RPAP1: variants seen among roughly 807,000 people sequenced by gnomAD.
RPAP1 encodes the protein RNA polymerase II-associated protein 1.
Under a neutral mutation model 142.4 loss-of-function variants are expected in RPAP1, and 109 were observed. That is an observed-to-expected ratio of 0.77 (90% CI 0.66 to 0.90). The LOEUF is 0.90. Ranked by LOEUF, RPAP1 falls within the 40% of genes least tolerant of loss-of-function variation. The pLI is 0.00. For synonymous variants in RPAP1, 704 were observed against 738.9 expected (o/e 0.95, Z 0.77); for missense variants, 1,546 against 1,751.7 (o/e 0.88, Z 2.10).
intron 5 of RPAP1, 110 bp downstream of exon 5, chr15:41,535,402 A>G (rs918628315): frequency 2.1e-6 from 3 of 1,436,564 alleles, no homozygotes; most frequent in Non-Finnish European, 2.8e-6. Flanking sequence ...ACTACTTGAG[A>G]TGGCTCAAAT....
At position 41,522,939 on chromosome 15, in the gene RPAP1, G is replaced by A; in HGVS notation, c.2568C>T (p.Asn856=). The part of the protein sequence containing the change: ...DSLRHCSLLC[N]PLSCVPALEA... ...CAAGGGCTGGCACACAGGACAGCGG[G>A]TTGCAGAGAAGGGAGCAGTGCCTGT... The change falls in exon 19 of 25, where the codon AAC becomes AAT. Residue 856 remains asparagine (N), a synonymous_variant. Transcript: ENST00000304330. The A allele has an allele frequency of 6.4e-7, 1 of 1,551,510 alleles. No individual in the cohort carries two copies. Among genetic ancestry groups the A allele is most frequent in the South Asian group, 1.3e-5 (1 of 79,730 alleles).
chr15:41,541,234 A>T (rs2051969233), intron 1 of RPAP1, among the ~76,000 whole-genome samples: 1 of 152,078 alleles, frequency 6.6e-6, no homozygotes, highest in Non-Finnish European at 1.5e-5. Context: ...CAGCTTGGCC[A>T]ACATGGTGAA....
Position 41,518,678 on chromosome 15 carries a change from C to CAA in RPAP1, c.3796-498_3796-497dup, listed in dbSNP as rs112073549. On this transcript the variant is annotated intron_variant, in intron 22 of 24. Transcript: ENST00000304330. Reference sequence around the variant, plus strand: ...TGGGCAACAGAGCAAGACTCCGTCTCAAAAAAAAAAAAAAATTAGCCAGGC... The same window carrying CAA: ...TGGGCAACAGAGCAAGACTCCGTCTCAAAAAAAAAAAAAAAAATTAGCCAGGC... Among the ~76,000 whole-genome samples the CAA allele has an allele frequency of 6.6e-3, 904 of 136,394 alleles. 7 individuals carry two copies. Among genetic ancestry groups the CAA allele is most frequent in the African/African-American group, 9.7e-3 (358 of 36,748 alleles). The allele number at this position is 136,394 out of a possible 152,430, so 89.5% of individuals were successfully genotyped here. A position where few individuals can be genotyped will look rare whatever the true frequency, so the allele number is the denominator to read the frequency against.
At chr15:41,528,201 A>G in intron 10 of RPAP1, 34 bp downstream of exon 10, 1 of 1,560,536 alleles carries the variant, frequency 6.4e-7, no homozygotes, top group Non-Finnish European at 8.7e-7. Flanking sequence ...GGTGAAGGGA[A>G]GGGTGGGCAG....
At chr15:41,522,612 A>G (rs972317097) in intron 19 of RPAP1, 153 bp downstream of exon 19, 3 of 642,894 alleles carry the variant, frequency 4.7e-6, no homozygotes, top group Non-Finnish European at 5.1e-6. Context: ...CTGGTCTCGA[A>G]CTCCCGACCT....
intron 22 of RPAP1, 165 bp from the exon 23 acceptor site, chr15:41,518,347 CAG>C: frequency 3.5e-6 from 2 of 575,396 alleles, no homozygotes; most frequent in South Asian, 3.6e-5. Context: ...GACTACAGAG[CAG>C]ATGTTGGGGA....
At chr15:41,539,411 C>T (rs1394134353) in intron 1 of RPAP1, among the ~76,000 whole-genome samples, 1 of 152,162 alleles carries the variant, frequency 6.6e-6, no homozygotes, top group Admixed American at 6.5e-5. Context: ...TCTCCTGCCT[C>T]AGCCTCCTGA....
Position 41,522,206 on chromosome 15 carries a change from G to A in RPAP1, c.2787C>T (p.Leu929=), listed in dbSNP as rs775015116. 1.9e-6 allele frequency: 3 copies of A among 1,613,974 alleles called. No homozygotes were observed. The highest frequency in any genetic ancestry group is 2.7e-5 in the African/African-American group (2 of 74,952). Residue 929 remains leucine (L), a synonymous_variant, in exon 20 of 25, where the codon CTC becomes CTT. Transcript: ENST00000304330. The stretch of plus-strand genomic sequence containing the variant: ...GGGCAGCCCCAGGAGCCACACACTG[G>A]AGGAAGTAATTCTGGAGTCCCGGGG... The part of the protein sequence containing the change: ...LAAPGLQNYF[L]QCVAPGAAPH...
At position 41,522,201 on chromosome 15, in the gene RPAP1, C is replaced by T. The variant is rs1353717211; in HGVS notation, c.2792G>A (p.Cys931Tyr). The T allele has an allele frequency of 6.2e-7, 1 of 1,613,966 alleles. No homozygotes were observed. The highest frequency in any genetic ancestry group is 1.3e-5 in the African/African-American group (1 of 74,930). Reference protein sequence around the residue: ...APGLQNYFLQCVAPGAAPHLT... With the variant: ...APGLQNYFLQYVAPGAAPHLT... ...GTGTGGGGCAGCCCCAGGAGCCACA[C>T]ACTGGAGGAAGTAATTCTGGAGTCC... Residue 931 changes from cysteine (C) to tyrosine (Y), a missense_variant, in exon 20 of 25, where the codon TGT (cysteine) becomes TAT (tyrosine). By Grantham distance (194) the Cys-to-Tyr change is radical. Transcript: ENST00000304330.
Position 41,517,825 on chromosome 15 carries a change from C to T in RPAP1, c.4005G>A (p.Leu1335=), listed in dbSNP as rs781018482. ...DEVKAARRSM[L]QKTWLLADEG... The stretch of plus-strand genomic sequence containing the variant: ...CATCTGCCAGCAGCCATGTTTTCTG[C>T]AGCATACTCCTGCGGGCAGCTTTGA... The change falls in exon 24 of 25, where the codon CTG becomes CTA. Residue 1335 remains leucine, a synonymous_variant. Transcript: ENST00000304330. The T allele has an allele frequency of 2.5e-6, 4 of 1,614,156 alleles. No homozygotes were observed. The highest frequency in any genetic ancestry group is 3.4e-6 in the Non-Finnish European group (4 of 1,180,024).
At chr15:41,541,993 A>C (rs2051976605) in intron 1 of RPAP1, among the ~76,000 whole-genome samples, 1 of 152,222 alleles carries the variant, frequency 6.6e-6, no homozygotes, top group African/African-American at 2.4e-5. Context: ...ATGGTGAAAC[A>C]ATCACATGAC....
Position 41,524,109 on chromosome 15 carries a change from C to T in RPAP1, c.2221G>A (p.Ala741Thr). Residue 741 changes from alanine (A) to threonine (T), a missense_variant, in exon 16 of 25, where the codon GCT becomes ACT. This residue lies in a region of RPAP1 where 1,333 missense variants were observed against 1,486.6 expected (regional missense o/e 0.90). Transcript: ENST00000304330. Reference protein sequence around the residue: ...QLTLAAGSTPAETISDSAEAS... With the variant: ...QLTLAAGSTPTETISDSAEAS... Reference sequence around the variant, plus strand: ...GCTATAAACTACCTGATGGTTTCAGCAGGGGTACTGCCGGCTGCCAGGGTT... The same window carrying T: ...GCTATAAACTACCTGATGGTTTCAGTAGGGGTACTGCCGGCTGCCAGGGTT... 5.7e-6 allele frequency: 9 copies of T among 1,590,416 alleles called. No homozygotes were observed. The highest frequency in any genetic ancestry group is 7.7e-6 in the Non-Finnish European group (9 of 1,166,554).
chr15:41,533,346 C>T (rs1049445287), intron 6 of RPAP1: 1 of 152,050 alleles, frequency 6.6e-6, no homozygotes, highest in African/African-American at 2.4e-5. Flanking sequence ...TGGTACACAC[C>T]TCTAATTCCA....
intron 6 of RPAP1, 131 bp downstream of exon 6, chr15:41,534,583 C>CAAAAAAA (rs764568682): frequency 3.9e-5 from 7 of 179,564 alleles, no homozygotes; most frequent in African/African-American, 3.3e-4. Flanking sequence ...AAGACCATCT[C>CAAAAAAA]AAAAAAAAAA....
chr15:41,521,984 G>T, intron 20 of RPAP1, 104 bp from the exon 21 acceptor site: 2 of 1,550,500 alleles, frequency 1.3e-6, no homozygotes, highest in Non-Finnish European at 1.8e-6. Flanking sequence ...GAGGTCCAGG[G>T]CATGTCTGGA....
chr15:41,526,868 C>T (rs1315739856), intron 14 of RPAP1, 30 bp downstream of exon 14: 4 of 1,579,246 alleles, frequency 2.5e-6, no homozygotes, highest in Non-Finnish European at 3.5e-6. Context: ...CCCATGCATT[C>T]CCCCATCCCT....
chr15:41,522,088 G>A lies in RPAP1; in HGVS notation c.2895+10C>T, dbSNP rs2051731276. On this transcript the variant is annotated intron_variant, in intron 20 of 24. Coordinates refer to ENST00000304330, the MANE Select transcript of RPAP1 (RefSeq NM_015540.4). ...GATGACAGGAGAACCTGTCAGACAGGGGGACCTACCGCTTTCTGGGCCAGA... is the reference window on the plus strand; with the variant it reads ...GATGACAGGAGAACCTGTCAGACAGAGGGACCTACCGCTTTCTGGGCCAGA... 2 of 1,612,394 alleles carry A rather than the reference G, an allele frequency of 1.2e-6. No homozygotes were observed. Among genetic ancestry groups the A allele is most frequent in the African/African-American group, 2.7e-5 (2 of 74,860 alleles).
Position 41,523,320 on chromosome 15 carries a change from A to G in RPAP1, c.2471T>C (p.Met824Thr), listed in dbSNP as rs1295612225. 6.2e-7 allele frequency: 1 copy of G among 1,610,390 alleles called. No individual in the cohort carries two copies. Residue 824 changes from methionine (M) to threonine (T), a missense_variant, in exon 18 of 25, where the codon ATG becomes ACG. By Grantham distance (81) the Met-to-Thr change is moderately conservative. Around this residue, in one of 3 missense-constraint regions of RPAP1, gnomAD observed 1,333 missense variants for 1,486.6 expected, o/e 0.90. Transcript: ENST00000304330. Reference protein sequence around the residue: ...SSCPEDWLQDMQRLSEELLLP... With the variant: ...SSCPEDWLQDTQRLSEELLLP... ...CAGCAGCTCCTCTGACAGGCGCTGC[A>G]TGTCCTGGAGCCAATCCTCCGGGCA...
At position 41,527,527 on chromosome 15, in the gene RPAP1, C is replaced by T. The variant is rs762999655; in HGVS notation, c.1507G>A (p.Asp503Asn). The part of the protein sequence containing the change: ...PLMPSQEDKE[D>N]EDEDEECPAG... ...GGGCATTCTTCATCCTCGTCCTCAT[C>T]CTCCTTGTCCTCCTGGCTGGGCATC... The change falls in exon 12 of 25, where the codon GAT (aspartate) becomes AAT (asparagine). Residue 503 changes from aspartate (D) to asparagine (N), a missense_variant. Asp to Asn is a conservative substitution (Grantham distance 23). This residue lies in a region of RPAP1 where 1,333 missense variants were observed against 1,486.6 expected (regional missense o/e 0.90). Transcript: ENST00000304330. 3.1e-6 allele frequency: 5 copies of T among 1,613,880 alleles called. No homozygotes were observed. The South Asian group carries it at 5.5e-5, about 18-fold the overall frequency.
Sources: gnomAD v4.1 joint callset for allele counts (sites outside exome capture counted in the v4.1 genomes callset) on GRCh38, gnomAD v4.1.1 for gene constraint, gnomAD v4.1.1 regional missense constraint, MANE v1.5 for transcripts, NCBI Gene and HGNC (gene_info 2026-07-23, HGNC 2026-07-21) for gene names.